UBL7: variants seen among roughly 807,000 people sequenced by gnomAD.
The protein encoded by UBL7 is ubiquitin like 7.
Under a neutral mutation model 41.7 loss-of-function variants are expected in UBL7, and 21 were observed. The ratio of observed to expected loss-of-function variants is 0.50; its 90% CI spans 0.36 to 0.73. UBL7 has a LOEUF of 0.73. Ranked by LOEUF, UBL7 falls within the 30% of genes least tolerant of loss-of-function variation. The pLI is 0.00. For missense variants in UBL7, 403 were observed against 478.4 expected (o/e 0.84, Z 1.47); for synonymous variants, 157 against 186.9 (o/e 0.84, Z 1.31).
chr15:74,452,434 G>T, intron 3 of UBL7, 56 bp from the exon 4 acceptor site: 1 of 1,508,778 alleles, frequency 6.6e-7, no homozygotes, highest in Non-Finnish European at 9.0e-7. Flanking sequence ...CTCTGCCACA[G>T]ACATGGCAAC....
At position 74,452,392 on chromosome 15, in the gene UBL7, C is replaced by T; in HGVS notation, c.305-14G>A. 1 of 1,554,262 alleles carries T rather than the reference C, an allele frequency of 6.4e-7. No homozygotes were observed. The highest frequency in any genetic ancestry group is 8.7e-7 in the Non-Finnish European group (1 of 1,148,008). ...TGTCCACAGGTTCTGGGGGACAAGACATTCAGAGTTACCCTATAGCGCAGG... is the reference window on the plus strand; with the variant it reads ...TGTCCACAGGTTCTGGGGGACAAGATATTCAGAGTTACCCTATAGCGCAGG... On this transcript the variant is annotated splice_polypyrimidine_tract_variant and intron_variant, in intron 3 of 10. Transcript: ENST00000395081.
At position 74,446,469 on chromosome 15, in the gene UBL7, G is replaced by C. The variant is rs1250817467; in HGVS notation, c.1006-242C>G. Among the ~76,000 whole-genome samples, 5 of 152,218 alleles carry C rather than the reference G, an allele frequency of 3.3e-5. No individual in the cohort carries two copies. The highest frequency in any genetic ancestry group is 1.2e-4 in the African/African-American group (5 of 41,450). Reference sequence around the variant, plus strand: ...CTTGGCATAAGGATCAAAAGAGAATGTACAAATTATTCACTGTCTGAATTC... The same window carrying C: ...CTTGGCATAAGGATCAAAAGAGAATCTACAAATTATTCACTGTCTGAATTC... On this transcript the variant is annotated intron_variant, in intron 10 of 10. Transcript: ENST00000395081. The surrounding 1 kb of genome is among the most constrained non-coding windows in gnomAD (Gnocchi z 4.1).
intron 2 of UBL7, among the ~76,000 whole-genome samples, chr15:74,457,736 CAAAAAAAAA>C (rs1187527943): frequency 2.7e-5 from 1 of 37,650 alleles, no homozygotes. Context: ...GACTCCGTCT[CAAAAAAAAA>C]AAAAAAAAAA....
chr15:74,458,632 T>C (rs2061316002), intron 2 of UBL7, 52 bp downstream of exon 2: 14 of 1,491,786 alleles, frequency 9.4e-6, no homozygotes, highest in Non-Finnish European at 1.3e-5. Flanking sequence ...AGAAGTATCC[T>C]CCCCCAAAAG....
At position 74,448,540 on chromosome 15, in the gene UBL7, T is replaced by C; in HGVS notation, c.943A>G (p.Asn315Asp). ...TGTAGGGCTTGGCTGAAGAGATCAT[T>C]GGTGATGGGCGTCCCTGACTGGACA... Reference protein sequence around the residue: ...SGVQSGTPITNDLFSQALQHA... With the variant: ...SGVQSGTPITDDLFSQALQHA... The change falls in exon 10 of 11, where the codon AAT becomes GAT. Residue 315 changes from asparagine to aspartate, a missense_variant. Asn to Asp is a conservative substitution (Grantham distance 23). Transcript: ENST00000395081. 3.1e-6 allele frequency: 5 copies of C among 1,614,136 alleles called. No individual in the cohort carries two copies. The highest frequency in any genetic ancestry group is 4.2e-6 in the Non-Finnish European group (5 of 1,179,990).
intron 1 of UBL7, among the ~76,000 whole-genome samples, chr15:74,460,018 G>A (rs1011890292): frequency 5.3e-5 from 8 of 150,526 alleles, no homozygotes; most frequent in Non-Finnish European, 7.4e-5. Flanking sequence ...GCGGAGGACG[G>A]ATCACTTAAG....
chr15:74,455,635 T>C (rs1240235975), intron 3 of UBL7, among the ~76,000 whole-genome samples: 1 of 152,186 alleles, frequency 6.6e-6, no homozygotes, highest in Admixed American at 6.5e-5. Flanking sequence ...AAAAATAAAC[T>C]GTTAACTTAA....
intron 2 of UBL7, among the ~76,000 whole-genome samples, chr15:74,458,058 T>C (rs2061311110): frequency 6.6e-6 from 1 of 152,108 alleles, no homozygotes; most frequent in African/African-American, 2.4e-5. Flanking sequence ...AAGACCTACC[T>C]CAAATATACT....
chr15:74,452,156 C>T, intron 4 of UBL7, 140 bp downstream of exon 4: 1 of 773,694 alleles, frequency 1.3e-6, no homozygotes, highest in Non-Finnish European at 2.1e-6. Flanking sequence ...TCTACTGAGG[C>T]CCACAGACAT....
intron 1 of UBL7, among the ~76,000 whole-genome samples, chr15:74,459,640 G>A (rs1036672143): frequency 6.6e-6 from 1 of 151,610 alleles, no homozygotes; most frequent in Non-Finnish European, 1.5e-5. Flanking sequence ...CTAAAACACA[G>A]ATCTGACCAA....
chr15:74,460,771 A>G (rs74025811), intron 1 of UBL7: 33,551 of 1,278,124 alleles, frequency 0.026, 659 homozygotes, highest in African/African-American at 0.093. Flanking sequence ...TTGCTTCCAA[A>G]GAGACCTCTG....
intron 2 of UBL7, 87 bp downstream of exon 2, chr15:74,458,597 G>A (rs1387543494): frequency 7.6e-6 from 9 of 1,178,924 alleles, no homozygotes; most frequent in Non-Finnish European, 9.7e-6. Context: ...CAAATCCCAA[G>A]CCCTTACTTT....
chr15:74,459,096 C>G (rs1406562672), intron 1 of UBL7, 200 bp from the exon 2 acceptor site: 1 of 546,542 alleles, frequency 1.8e-6, no homozygotes, highest in African/African-American at 1.9e-5. Context: ...GCCTCAGTTT[C>G]TTCATCCCTA....
chr15:74,452,349 C>T lies in UBL7; in HGVS notation c.334G>A (p.Glu112Lys). ...AGGGCAGTGTGCAACACCCGGAACT[C>T]TCTCATGGCAGCCACTTTGTCCACA... ...EPVDKVAAMR[E>K]FRVLHTALHS... is the part of the protein sequence containing the mutation. The change falls in exon 4 of 11, where the codon GAG (glutamate) becomes AAG (lysine). Residue 112 changes from glutamate (E) to lysine (K), a missense_variant. Transcript: ENST00000395081. 6.4e-7 allele frequency: 1 copy of T among 1,561,236 alleles called. No homozygotes were observed. The highest frequency in any genetic ancestry group is 1.2e-5 in the South Asian group (1 of 84,858).
At chr15:74,460,869 A>G (rs2061342632) in intron 1 of UBL7, 168 bp downstream of exon 1, 1 of 1,191,680 alleles carries the variant, frequency 8.4e-7, no homozygotes, top group Non-Finnish European at 1.1e-6. Context: ...TTTATGCCAG[A>G]AGGAGGTCGT....
chr15:74,449,774 C>T, intron 7 of UBL7, 99 bp from the exon 8 acceptor site: 1 of 1,565,270 alleles, frequency 6.4e-7, no homozygotes, highest in Non-Finnish European at 8.7e-7. Flanking sequence ...ATATTTTCAT[C>T]TCTCCCCTCG....
rs774277059 is a variant in UBL7, at chr15:74,446,600, C to A, written c.1006-373G>T. Among the ~76,000 whole-genome samples the A allele has an allele frequency of 6.6e-6, 1 of 152,124 alleles. No homozygotes were observed. Among genetic ancestry groups the A allele is most frequent in the Non-Finnish European group, 1.5e-5 (1 of 68,014 alleles). The stretch of plus-strand genomic sequence containing the variant: ...ACAGATTTTTTTCCCAGTTTGTTAG[C>A]CTTTGGACTTTGCTTCGGTTTTTTG... On this transcript the variant is annotated intron_variant, in intron 10 of 10. Coordinates refer to ENST00000395081, the MANE Select transcript of UBL7 (RefSeq NM_032907.5). The surrounding 1 kb of genome is among the most constrained non-coding windows in gnomAD (Gnocchi z 4.1).
At chr15:74,451,588 T>A in intron 4 of UBL7, 68 bp from the exon 5 acceptor site, 1 of 1,296,626 alleles carries the variant, frequency 7.7e-7, no homozygotes, top group East Asian at 2.3e-5. Flanking sequence ...GCCCACACTC[T>A]GCCAAAGGAC....
In UBL7 at chr15:74,461,136, T is replaced by C. The variant is rs2061346173; in HGVS notation, c.-129A>G. 3.0e-6 allele frequency: 3 copies of C among 997,006 alleles called. No individual in the cohort carries two copies. The highest frequency in any genetic ancestry group is 8.3e-5 in the South Asian group (2 of 24,174). 61.8% of individuals were successfully genotyped at this position (997,006 alleles called of 1,614,324 possible). ...TCCCGCGGAAGGAACCCGGCCGCAC[T>C]GCCGCCGGTGTAAACACTCACTCTG... is the stretch of plus-strand genomic sequence containing the variant. On this transcript the variant is annotated 5_prime_UTR_variant, in exon 1 of 11. Coordinates refer to ENST00000395081, the MANE Select transcript of UBL7 (RefSeq NM_032907.5).
Sources: gnomAD v4.1 joint callset for allele counts (sites outside exome capture counted in the v4.1 genomes callset) on GRCh38, gnomAD v4.1.1 for gene constraint, Gnocchi (gnomAD v3.1) non-coding constraint, MANE v1.5 for transcripts, NCBI Gene and HGNC (gene_info 2026-07-23, HGNC 2026-07-21) for gene names.